LRMDA: variants seen among roughly 807,000 people sequenced by gnomAD.
LRMDA encodes leucine-rich melanocyte differentiation-associated protein.
In LRMDA, 18 loss-of-function variants were observed where a neutral mutation model predicts 29.8. The ratio of observed to expected loss-of-function variants is 0.60; its 90% CI spans 0.42 to 0.90. LRMDA has a LOEUF of 0.90. LRMDA is among the 40% of genes least tolerant of loss of function. The pLI is 0.00. For synonymous variants in LRMDA, 125 were observed against 109.4 expected (o/e 1.14, Z -0.89); for missense variants, 273 against 273.9 (o/e 1.00, Z 0.02).
intron 6 of LRMDA, among the ~76,000 whole-genome samples, chr10:76,506,777 A>G (rs574140763): frequency 4.0e-5 from 6 of 151,582 alleles, no homozygotes; most frequent in Admixed American, 2.0e-4. Flanking sequence ...AGTTCCATCT[A>G]TGTTGCTGCA....
At chr10:76,202,892 GCT>G (rs1317257175) in intron 5 of LRMDA, among the ~76,000 whole-genome samples, 1 of 152,112 alleles carries the variant, frequency 6.6e-6, no homozygotes, top group East Asian at 1.9e-4. Context: ...CCTGTTCCCT[GCT>G]CTGCGGAGAA....
At chr10:75,635,852 T>C (rs1454977036) in intron 2 of LRMDA, among the ~76,000 whole-genome samples, 2 of 152,018 alleles carry the variant, frequency 1.3e-5, no homozygotes, top group Non-Finnish European at 2.9e-5. Context: ...ACCCATGGGT[T>C]GTGGTTGTGG....
intron 6 of LRMDA, among the ~76,000 whole-genome samples, chr10:76,357,362 G>A (rs933204179): frequency 3.9e-5 from 6 of 152,170 alleles, no homozygotes; most frequent in East Asian, 3.9e-4. Flanking sequence ...CATAAACCAC[G>A]GAGTTCAGGT....
chr10:75,513,555 T>A (rs1171434376), intron 2 of LRMDA, among the ~76,000 whole-genome samples: 1 of 152,156 alleles, frequency 6.6e-6, no homozygotes, highest in Non-Finnish European at 1.5e-5. Flanking sequence ...CCCTCACAAC[T>A]CTGGAGGTCA....
intron 2 of LRMDA, among the ~76,000 whole-genome samples, chr10:75,583,732 C>T (rs1010283477): frequency 1.3e-5 from 2 of 152,116 alleles, no homozygotes; most frequent in African/African-American, 4.8e-5. Flanking sequence ...ACCCATCCGT[C>T]AGTTCTCATC....
chr10:76,285,971 G>C (rs978613175), intron 5 of LRMDA, among the ~76,000 whole-genome samples: 1 of 152,136 alleles, frequency 6.6e-6, no homozygotes, highest in Non-Finnish European at 1.5e-5. Flanking sequence ...CTTTATTCTG[G>C]ATATGTGGGA....
At chr10:75,922,368 C>T (rs1413590452) in intron 2 of LRMDA, among the ~76,000 whole-genome samples, 1 of 152,182 alleles carries the variant, frequency 6.6e-6, no homozygotes, top group African/African-American at 2.4e-5. Context: ...GATGACCTTG[C>T]TTGATGGACC....
intron 2 of LRMDA, among the ~76,000 whole-genome samples, chr10:75,561,736 G>T (rs1328053528): frequency 4.6e-5 from 7 of 151,836 alleles, no homozygotes; most frequent in Non-Finnish European, 1.0e-4. Context: ...TTGTGTCTTT[G>T]TTCTCGTTGG....
intron 2 of LRMDA, among the ~76,000 whole-genome samples, chr10:75,793,254 A>G (rs895954277): frequency 1.3e-5 from 2 of 152,136 alleles, no homozygotes; most frequent in African/African-American, 2.4e-5. Flanking sequence ...TCTTGAGGAC[A>G]GGAGGGCCCT....
At chr10:76,520,514 T>G (rs993770311) in intron 6 of LRMDA, among the ~76,000 whole-genome samples, 4 of 152,250 alleles carry the variant, frequency 2.6e-5, no homozygotes, top group Middle Eastern at 6.8e-3. Flanking sequence ...TTGTCCAATC[T>G]CTGATATATT....
At chr10:76,469,631 G>T (rs549163380) in intron 6 of LRMDA, among the ~76,000 whole-genome samples, 1 of 152,214 alleles carries the variant, frequency 6.6e-6, no homozygotes, top group East Asian at 1.9e-4. Flanking sequence ...AACAGAGTGA[G>T]GGAAGTTCAA....
At chr10:76,268,628 G>A (rs182774837) in intron 5 of LRMDA, among the ~76,000 whole-genome samples, 135 of 152,248 alleles carry the variant, frequency 8.9e-4, no homozygotes, top group African/African-American at 3.1e-3. Flanking sequence ...TTCTTACAGC[G>A]ATAAAATGGC....
chr10:75,779,949 C>T (rs897366437), intron 2 of LRMDA, among the ~76,000 whole-genome samples: 1 of 152,044 alleles, frequency 6.6e-6, no homozygotes, highest in Non-Finnish European at 1.5e-5. Flanking sequence ...TTAGAGTGGA[C>T]CCTAGATCCA....
chr10:76,357,526 C>T (rs568759097), intron 6 of LRMDA, among the ~76,000 whole-genome samples: 3 of 152,220 alleles, frequency 2.0e-5, no homozygotes, highest in African/African-American at 7.2e-5. Context: ...CTAAGTTTTC[C>T]AATCCTATCT....
intron 2 of LRMDA, among the ~76,000 whole-genome samples, chr10:76,035,335 T>C (rs1364749273): frequency 6.6e-6 from 1 of 151,998 alleles, no homozygotes; most frequent in Non-Finnish European, 1.5e-5. Context: ...GAAAAAGCCC[T>C]CTCAGATCGG....
intron 5 of LRMDA, among the ~76,000 whole-genome samples, chr10:76,283,615 A>G (rs1269313261): frequency 6.6e-6 from 1 of 152,206 alleles, no homozygotes; most frequent in Non-Finnish European, 1.5e-5. Context: ...TATATACAAC[A>G]AAGAGTGCTA....
At chr10:76,099,751 TAATA>T (rs879407331) in intron 5 of LRMDA, among the ~76,000 whole-genome samples, 2 of 152,198 alleles carry the variant, frequency 1.3e-5, no homozygotes, top group African/African-American at 2.4e-5. Flanking sequence ...AGGAAATAAA[TAATA>T]AATAAACCAA....
intron 5 of LRMDA, among the ~76,000 whole-genome samples, chr10:76,091,756 G>A (rs1226588916): frequency 6.6e-6 from 1 of 152,158 alleles, no homozygotes; most frequent in East Asian, 1.9e-4. Context: ...GGTGATCATG[G>A]TTCATTGTAA....
intron 2 of LRMDA, among the ~76,000 whole-genome samples, chr10:76,020,404 A>G (rs1847954242): frequency 6.6e-6 from 1 of 152,258 alleles, no homozygotes; most frequent in Admixed American, 6.5e-5. Flanking sequence ...CTGGCAGAGG[A>G]CGAAGACAGG....
Sources: gnomAD v4.1 joint callset for allele counts (sites outside exome capture counted in the v4.1 genomes callset) on GRCh38, gnomAD v4.1.1 for gene constraint, MANE v1.5 for transcripts, NCBI Gene and HGNC (gene_info 2026-07-23, HGNC 2026-07-21) for gene names.